The following CADM2 variants were observed in gnomAD, a reference collection of about 807,000 sequenced individuals.
The protein encoded by CADM2 is cell adhesion molecule 2, also known as immunoglobulin superfamily member 4D.
CADM2 carries 12 observed loss-of-function variants against 49.8 expected under a neutral mutation model. The ratio of observed to expected loss-of-function variants is 0.24; its 90% CI spans 0.15 to 0.39. CADM2 has a LOEUF of 0.39. CADM2 is among the 10% of genes least tolerant of loss of function. CADM2 has a pLI of 1.00. For missense variants in CADM2, 378 were observed against 492.3 expected, an observed-to-expected ratio of 0.77 and a Z score of 2.20; for synonymous variants, 214 against 175.4, an observed-to-expected ratio of 1.22 and a Z score of -1.74.
At chr3:85,602,432 C>T (rs1324434887) in intron 1 of CADM2, among the ~76,000 whole-genome samples, 1 of 151,846 alleles carries the variant, frequency 6.6e-6, no homozygotes, top group Non-Finnish European at 1.5e-5. Context: ...TACGACTCTT[C>T]ACCCATTCTT....
chr3:85,628,558 CAT>C (rs1276847547), intron 1 of CADM2, among the ~76,000 whole-genome samples: 1 of 147,178 alleles, frequency 6.8e-6, no homozygotes, highest in Non-Finnish European at 1.5e-5. Context: ...TATACACACA[CAT>C]ATATATACAT....
chr3:85,680,165 A>C (rs1161225902), intron 1 of CADM2, among the ~76,000 whole-genome samples: 1 of 152,094 alleles, frequency 6.6e-6, no homozygotes, highest in African/African-American at 2.4e-5. Flanking sequence ...ATACTCCCTG[A>C]ATTTATATTT....
intron 1 of CADM2, among the ~76,000 whole-genome samples, chr3:85,000,367 A>G (rs570696922): frequency 1.2e-3 from 176 of 151,858 alleles, no homozygotes; most frequent in Non-Finnish European, 2.1e-3. Flanking sequence ...GGCTCAAGCA[A>G]TCCTCCCACT....
At chr3:85,446,128 T>C (rs1401586732) in intron 1 of CADM2, among the ~76,000 whole-genome samples, 1 of 152,178 alleles carries the variant, frequency 6.6e-6, no homozygotes, top group African/African-American at 2.4e-5. Flanking sequence ...TGTAAATTTA[T>C]TAAAGATGAA....
intron 1 of CADM2, among the ~76,000 whole-genome samples, chr3:85,086,319 A>G (rs952740870): frequency 1.5e-4 from 23 of 151,956 alleles, no homozygotes; most frequent in Admixed American, 1.1e-3. Context: ...TCAGAAGCCT[A>G]AAAGAAAGCC....
At chr3:85,552,160 C>T (rs989685006) in intron 1 of CADM2, among the ~76,000 whole-genome samples, 17 of 151,922 alleles carry the variant, frequency 1.1e-4, no homozygotes, top group Non-Finnish European at 1.5e-5. Context: ...CATGAGCTAT[C>T]CAGACATTTT....
chr3:85,356,574 A>G (rs2031879489), intron 1 of CADM2, among the ~76,000 whole-genome samples: 1 of 152,126 alleles, frequency 6.6e-6, no homozygotes, highest in Non-Finnish European at 1.5e-5. Context: ...TAAGATGTAC[A>G]TTCTTGACTT....
intron 1 of CADM2, among the ~76,000 whole-genome samples, chr3:85,131,039 G>A (rs181516483): frequency 2.0e-5 from 3 of 152,080 alleles, no homozygotes; most frequent in East Asian, 3.9e-4. Context: ...AAAATTAGCC[G>A]GGCGTGGCAT....
chr3:85,540,035 G>T (rs2061506220), intron 1 of CADM2, among the ~76,000 whole-genome samples: 1 of 152,048 alleles, frequency 6.6e-6, no homozygotes, highest in Non-Finnish European at 1.5e-5. Context: ...GAGCCCAGGA[G>T]GAAGCCCTTG....
chr3:85,780,881 G>A (rs867031305), intron 2 of CADM2, among the ~76,000 whole-genome samples: 27 of 151,918 alleles, frequency 1.8e-4, no homozygotes, highest in African/African-American at 5.8e-4. Flanking sequence ...GACTTGTTTC[G>A]GCCAATGAGA....
intron 1 of CADM2, among the ~76,000 whole-genome samples, chr3:85,257,406 G>T (rs758954631): frequency 1.3e-5 from 2 of 151,964 alleles, no homozygotes; most frequent in Non-Finnish European, 2.9e-5. Context: ...ACCTGGAATG[G>T]TGTTGATTAA....
chr3:85,367,249 A>T (rs764562362), intron 1 of CADM2, among the ~76,000 whole-genome samples: 18 of 152,042 alleles, frequency 1.2e-4, no homozygotes, highest in Admixed American at 1.3e-4. Context: ...TTGCTAACCA[A>T]CACACAAGTA....
chr3:85,752,095 A>G (rs2068884146), intron 2 of CADM2, among the ~76,000 whole-genome samples: 1 of 152,074 alleles, frequency 6.6e-6, no homozygotes. Context: ...GCACTACCCC[A>G]TGGTTGGTAA....
At chr3:85,720,028 A>G (rs2067442298) in intron 1 of CADM2, among the ~76,000 whole-genome samples, 1 of 152,194 alleles carries the variant, frequency 6.6e-6, no homozygotes, top group Non-Finnish European at 1.5e-5. Flanking sequence ...ACTATGAAGT[A>G]TCTAATGTTC....
chr3:85,303,236 T>G (rs2044141528), intron 1 of CADM2, among the ~76,000 whole-genome samples: 1 of 151,984 alleles, frequency 6.6e-6, no homozygotes, highest in Non-Finnish European at 1.5e-5. Context: ...ATTCGAGAAA[T>G]GTGTTTTCAA....
chr3:85,771,520 G>T (rs2070084957), intron 2 of CADM2, among the ~76,000 whole-genome samples: 2 of 151,932 alleles, frequency 1.3e-5, no homozygotes, highest in African/African-American at 4.8e-5. Flanking sequence ...TTAATATTTT[G>T]AAATTAGTTT....
intron 3 of CADM2, among the ~76,000 whole-genome samples, chr3:85,855,568 TATATATATATAAAAAAC>T (rs1298206968): frequency 5.9e-4 from 81 of 137,238 alleles, no homozygotes; most frequent in Middle Eastern, 3.7e-3. Context: ...TATTTATATT[TATATATATATAAAAAAC>T]ATATATATAT....
intron 2 of CADM2, among the ~76,000 whole-genome samples, chr3:85,769,808 ATATAG>A (rs1381043368): frequency 6.6e-6 from 1 of 151,436 alleles, no homozygotes; most frequent in Non-Finnish European, 1.5e-5. Context: ...TAAGTAGAAA[ATATAG>A]TATTTTGTGA....
chr3:85,079,464 A>G (rs966010650), intron 1 of CADM2, among the ~76,000 whole-genome samples: 4 of 151,846 alleles, frequency 2.6e-5, no homozygotes, highest in African/African-American at 9.7e-5. Context: ...ATGAAACTAT[A>G]TTATCTATTT....
Sources: gnomAD v4.1 joint callset for allele counts (sites outside exome capture counted in the v4.1 genomes callset) on GRCh38, gnomAD v4.1.1 for gene constraint, MANE v1.5 for transcripts, NCBI Gene and HGNC (gene_info 2026-07-23, HGNC 2026-07-21) for gene names.